Variants in MTMR9 observed in about 807,000 individuals in gnomAD.
The protein encoded by MTMR9 is myotubularin-related protein 9.
Under a neutral mutation model 69.5 loss-of-function variants are expected in MTMR9, and 39 were observed. That is an observed-to-expected ratio of 0.56 (90% CI 0.43 to 0.73). The LOEUF (loss-of-function observed/expected upper bound fraction) is 0.73. MTMR9 is among the 30% of genes least tolerant of loss of function. The pLI, the probability that MTMR9 is intolerant of heterozygous loss-of-function variation, is 0.00. For missense variants in MTMR9, 900 were observed against 671.2 expected (o/e 1.34, Z -3.77); for synonymous variants, 354 against 240.8 (o/e 1.47, Z -4.35).
At chr8:11,312,436 T>C (rs1468182910) in intron 6 of MTMR9, among the ~76,000 whole-genome samples, 1 of 152,148 alleles carries the variant, frequency 6.6e-6, no homozygotes, top group Non-Finnish European at 1.5e-5. Context: ...AACTTCAAAC[T>C]CCTGGCTTCA....
intron 3 of MTMR9, among the ~76,000 whole-genome samples, chr8:11,302,121 T>C (rs1799765711): frequency 6.6e-6 from 1 of 151,346 alleles, no homozygotes; most frequent in African/African-American, 2.4e-5. Flanking sequence ...GGTGTGATAA[T>C]GTGTGTCTTT....
At chr8:11,319,887 G>A (rs368568934) in intron 9 of MTMR9, 49 bp downstream of exon 9, 12 of 1,597,334 alleles carry the variant, frequency 7.5e-6, no homozygotes, top group South Asian at 1.1e-5. Flanking sequence ...GTGTGCATGC[G>A]GCTGCCTGTG....
chr8:11,305,796 T>C lies in MTMR9; in HGVS notation c.592-394T>C, dbSNP rs144989975. 1.1e-4 allele frequency among the ~76,000 whole-genome samples: 16 copies of C among 152,376 alleles called. No homozygotes were observed. The East Asian group carries it at 2.1e-3, about 20-fold the overall frequency. ...TTGCCACTGGTGCCTTTACTTCTTA[T>C]AATTGTTGTTAAAACCTGCCAACTC... On this transcript the variant is annotated intron_variant, in intron 4 of 9. Coordinates refer to ENST00000221086, the MANE Select transcript of MTMR9 (RefSeq NM_015458.4).
chr8:11,293,009 G>T (rs1247310152), intron 1 of MTMR9, among the ~76,000 whole-genome samples: 3 of 152,156 alleles, frequency 2.0e-5, no homozygotes, highest in Middle Eastern at 3.2e-3. Flanking sequence ...CTTCTAAAAA[G>T]AATGTTAACT....
intron 6 of MTMR9, among the ~76,000 whole-genome samples, chr8:11,309,932 A>G (rs773657623): frequency 3.3e-5 from 5 of 152,016 alleles, no homozygotes; most frequent in African/African-American, 7.2e-5. Flanking sequence ...TTTAAGTACT[A>G]ATGGACCCGT....
chr8:11,304,961 C>T lies in MTMR9; in HGVS notation c.538C>T (p.Arg180Ter). ...DEALRKVATFRHGGRFPVLSY... is the reference protein window; with the variant it reads ...DEALRKVATF ...AGCTCTTCGGAAGGTAGCTACATTTCGACATGGAGGGCGCTTCCCAGTACT... is the reference window on the plus strand; with the variant it reads ...AGCTCTTCGGAAGGTAGCTACATTTTGACATGGAGGGCGCTTCCCAGTACT... Residue 180 changes from arginine to a stop codon, truncating the protein, a stop_gained, in exon 4 of 10, where the codon CGA (arginine) becomes TGA (stop). Transcript: ENST00000221086. LOFTEE classifies it high-confidence loss of function. 2 of 1,614,052 alleles carry T rather than the reference C, an allele frequency of 1.2e-6. No individual in the cohort carries two copies. Among genetic ancestry groups the T allele is most frequent in the Non-Finnish European group, 1.7e-6 (2 of 1,179,966 alleles).
In MTMR9 at chr8:11,315,180, G is replaced by A. The variant is rs1048777828; in HGVS notation, c.1113+116G>A. ...ATTGATTAAAATTTCTAAGTTGTGTGTTTAATTTACTGCAGGACAGTTAAT... is the reference window on the plus strand; with the variant it reads ...ATTGATTAAAATTTCTAAGTTGTGTATTTAATTTACTGCAGGACAGTTAAT... On this transcript the variant is annotated intron_variant, in intron 7 of 9. Transcript: ENST00000221086. 3.1e-6 allele frequency: 4 copies of A among 1,306,002 alleles called. No homozygotes were observed. The Admixed American group carries it at 7.6e-5, about 25-fold the overall frequency. The allele number at this position is 1,306,002 out of a possible 1,614,324, so 80.9% of individuals were successfully genotyped here.
intron 6 of MTMR9, among the ~76,000 whole-genome samples, chr8:11,312,381 C>A (rs1388583453): frequency 1.3e-5 from 2 of 152,168 alleles, no homozygotes; most frequent in African/African-American, 4.8e-5. Flanking sequence ...GTCTTTCCCT[C>A]TGTCACCCAA....
the MTMR9 span, among the ~76,000 whole-genome samples, chr8:11,338,436 A>T: frequency 2.0e-5 from 3 of 152,200 alleles, no homozygotes; most frequent in African/African-American, 7.2e-5. Context: ...GCTCTATTGA[A>T]CCGGGCTCCA....
intron 1 of MTMR9, 129 bp downstream of exon 1, chr8:11,285,199 C>A: frequency 3.2e-6 from 3 of 928,582 alleles, no homozygotes; most frequent in Non-Finnish European, 4.7e-6. Flanking sequence ...CCTCTGTGGC[C>A]TAGAATCAGG....
the MTMR9 span, among the ~76,000 whole-genome samples, chr8:11,339,249 G>A: frequency 1.3e-5 from 2 of 152,204 alleles, no homozygotes; most frequent in Non-Finnish European, 2.9e-5. Flanking sequence ...CCCAGATGTT[G>A]CACCTTTACT....
downstream of MTMR9, among the ~76,000 whole-genome samples, chr8:11,329,832 C>T (rs556799104): frequency 5.3e-5 from 8 of 150,598 alleles, no homozygotes; most frequent in South Asian, 4.2e-4. Context: ...AAGTGAGGAG[C>T]GCCTCTTCCT....
chr8:11,334,091 C>A, the MTMR9 span, among the ~76,000 whole-genome samples: 3 of 152,144 alleles, frequency 2.0e-5, no homozygotes, highest in Non-Finnish European at 4.4e-5. Context: ...GCACAAAGGC[C>A]CTCACCAGAT....
chr8:11,306,865 C>T (rs569368600), intron 5 of MTMR9, among the ~76,000 whole-genome samples: 1 of 152,204 alleles, frequency 6.6e-6, no homozygotes, highest in South Asian at 2.1e-4. Context: ...TCCCTCCTAC[C>T]CCGACCCCTC....
chr8:11,287,967 A>ATTATATGTAATATATC (rs1799237426), intron 1 of MTMR9, among the ~76,000 whole-genome samples: 1 of 127,594 alleles, frequency 7.8e-6, no homozygotes, highest in East Asian at 2.1e-4. Context: ...TATACTATGT[A>ATTATATGTAATATATC]TTATATATGT....
At chr8:11,299,505 C>G (rs1799677152) in intron 2 of MTMR9, among the ~76,000 whole-genome samples, 1 of 152,170 alleles carries the variant, frequency 6.6e-6, no homozygotes, top group Non-Finnish European at 1.5e-5. Flanking sequence ...TACTGCACTG[C>G]TAGGATTTGG....
At chr8:11,291,761 A>C (rs182403214) in intron 1 of MTMR9, among the ~76,000 whole-genome samples, 233 of 152,046 alleles carry the variant, frequency 1.5e-3, no homozygotes, top group Non-Finnish European at 1.5e-3. Flanking sequence ...AGCATAGATG[A>C]TATGGAAATT....
In MTMR9 at chr8:11,326,624, C is replaced by G. The variant is rs571785447; in HGVS notation, c.*3836C>G. On this transcript the variant is annotated 3_prime_UTR_variant, in exon 10 of 10. Transcript: ENST00000221086. ...GCTAGGCCTGTTCTCCTCCTCCAGACCTAGTATTCTAAGTTATTACCACAT... is the reference window on the plus strand; with the variant it reads ...GCTAGGCCTGTTCTCCTCCTCCAGAGCTAGTATTCTAAGTTATTACCACAT... 1 of 152,196 alleles carries G rather than the reference C, an allele frequency of 6.6e-6. No individual in the cohort carries two copies. Among genetic ancestry groups the G allele is most frequent in the African/African-American group, 2.4e-5 (1 of 41,432 alleles). 9.4% of individuals were successfully genotyped at this position (152,196 alleles called of 1,614,324 possible).
In MTMR9 at chr8:11,294,479, A is replaced by T. The variant is rs1404222018; in HGVS notation, c.183-715A>T. ...TGTTTTTAAATCAGAAATGGATGTT[A>T]GATTTTGTCAAATACTTTCACTTTT... On this transcript the variant is annotated intron_variant, in intron 1 of 9. Coordinates refer to ENST00000221086, the MANE Select transcript of MTMR9 (RefSeq NM_015458.4). Among the ~76,000 whole-genome samples the T allele has an allele frequency of 3.4e-5, 5 of 147,388 alleles. No homozygotes were observed. The East Asian group carries it at 8.0e-4, about 24-fold the overall frequency.
Sources: allele counts gnomAD v4.1 joint callset (sites outside exome capture counted in the v4.1 genomes callset), GRCh38; gene constraint gnomAD v4.1.1; transcripts MANE v1.5; gene names NCBI Gene and HGNC (gene_info 2026-07-23, HGNC 2026-07-21).